The following GMDS variants were observed in gnomAD, a reference collection of about 807,000 sequenced individuals.
GMDS encodes GDP-mannose 4,6-dehydratase.
In GMDS, 20 loss-of-function variants were observed where a neutral mutation model predicts 49.9. The ratio of observed to expected loss-of-function variants is 0.40; its 90% confidence interval spans 0.28 to 0.58. GMDS has a LOEUF of 0.58. Among genes scored for constraint, GMDS ranks in the 20% least tolerant of loss-of-function variants. The probability of loss-of-function intolerance (pLI) is 0.42; values close to 1 mark genes in which losing one functional copy is unlikely to be tolerated. For synonymous variants in GMDS, 177 were observed against 178.6 expected (o/e 0.99, Z 0.07); for missense variants, 362 against 481.4 (o/e 0.75, Z 2.32).
intron 4 of GMDS, among the ~76,000 whole-genome samples, chr6:2,055,254 GAA>G (rs201815945): frequency 6.8e-6 from 1 of 147,268 alleles, no homozygotes; most frequent in Non-Finnish European, 1.5e-5. Context: ...TCCCAGAGAA[GAA>G]AAAAAAAGAG....
At chr6:1,669,312 C>T (rs571499452) in intron 9 of GMDS, among the ~76,000 whole-genome samples, 1 of 152,196 alleles carries the variant, frequency 6.6e-6, no homozygotes, top group East Asian at 1.9e-4. Flanking sequence ...GAGGAGATGG[C>T]CTCTGGGGTT....
chr6:1,825,757 C>T (rs1413486171), intron 7 of GMDS, among the ~76,000 whole-genome samples: 1 of 152,138 alleles, frequency 6.6e-6, no homozygotes, highest in Non-Finnish European at 1.5e-5. Flanking sequence ...GCCTGTAATC[C>T]CAGCACTTTG....
intron 1 of GMDS, among the ~76,000 whole-genome samples, chr6:2,169,630 A>AC (rs567959437): frequency 3.9e-5 from 6 of 151,986 alleles, no homozygotes; most frequent in African/African-American, 9.7e-5. Flanking sequence ...GCAAAAAAAA[A>AC]AAAAAACAAA....
intron 9 of GMDS, among the ~76,000 whole-genome samples, chr6:1,680,319 A>T (rs1764748065): frequency 6.6e-6 from 1 of 152,210 alleles, no homozygotes; most frequent in South Asian, 2.1e-4. Flanking sequence ...ACATGACTCT[A>T]AGTCATCAGG....
At chr6:1,999,597 A>G (rs1337453157) in intron 4 of GMDS, among the ~76,000 whole-genome samples, 1 of 151,738 alleles carries the variant, frequency 6.6e-6, no homozygotes, top group Non-Finnish European at 1.5e-5. Flanking sequence ...ATATAGTTGG[A>G]CTCAACTGGA....
intron 1 of GMDS, among the ~76,000 whole-genome samples, chr6:2,243,699 C>G (rs1228436520): frequency 6.6e-6 from 1 of 152,112 alleles, no homozygotes; most frequent in African/African-American, 2.4e-5. Flanking sequence ...AGATCCACCT[C>G]TTACTAGTTT....
chr6:2,159,624 T>TGC (rs1777291030), intron 1 of GMDS, among the ~76,000 whole-genome samples: 2 of 145,222 alleles, frequency 1.4e-5, no homozygotes, highest in Admixed American at 1.4e-4. Context: ...GCTCAAGCAA[T>TGC]GCTCCTGCCT....
At chr6:2,001,155 T>C (rs1459441507) in intron 4 of GMDS, among the ~76,000 whole-genome samples, 1 of 152,232 alleles carries the variant, frequency 6.6e-6, no homozygotes, top group East Asian at 1.9e-4. Flanking sequence ...CCAACACCTG[T>C]TATGATCTGA....
At chr6:2,080,752 G>A (rs766743656) in intron 4 of GMDS, among the ~76,000 whole-genome samples, 1 of 152,116 alleles carries the variant, frequency 6.6e-6, no homozygotes, top group Admixed American at 6.6e-5. Flanking sequence ...GTGTACACTG[G>A]CACTGGTGTT....
intron 7 of GMDS, among the ~76,000 whole-genome samples, chr6:1,868,996 T>C (rs1417927644): frequency 6.6e-6 from 1 of 152,172 alleles, no homozygotes; most frequent in African/African-American, 2.4e-5. Context: ...AAAAGAAATA[T>C]TAAAATAGGG....
intron 9 of GMDS, among the ~76,000 whole-genome samples, chr6:1,688,932 A>C (rs4959146): frequency 0.89 from 134,694 of 152,194 alleles, 59,849 homozygotes; most frequent in Middle Eastern, 0.95. Context: ...TTCCCTAAAA[A>C]TCACTTAAAA....
At chr6:2,045,262 GTCTT>G (rs1391601796) in intron 4 of GMDS, among the ~76,000 whole-genome samples, 1 of 151,838 alleles carries the variant, frequency 6.6e-6, no homozygotes, top group Non-Finnish European at 1.5e-5. Flanking sequence ...TTTTAGGCGT[GTCTT>G]TCTTCTCTCC....
intron 7 of GMDS, among the ~76,000 whole-genome samples, chr6:1,890,353 C>A (rs557362603): frequency 4.6e-5 from 7 of 152,232 alleles, no homozygotes; most frequent in African/African-American, 1.4e-4. Flanking sequence ...ACGTGCATGT[C>A]CTTTCATGTC....
At chr6:2,194,629 A>C (rs373158278) in intron 1 of GMDS, among the ~76,000 whole-genome samples, 1 of 152,238 alleles carries the variant, frequency 6.6e-6, no homozygotes, top group Admixed American at 6.5e-5. Context: ...ATAAAAGACA[A>C]TTAAGGTTAA....
At chr6:1,631,759 C>A (rs969753285) in intron 9 of GMDS, among the ~76,000 whole-genome samples, 2 of 152,176 alleles carry the variant, frequency 1.3e-5, no homozygotes, top group African/African-American at 4.8e-5. Context: ...TCCAAATATT[C>A]ATTCCCTCAG....
chr6:2,195,733 G>A (rs1779250070), intron 1 of GMDS, among the ~76,000 whole-genome samples: 1 of 151,372 alleles, frequency 6.6e-6, no homozygotes, highest in Non-Finnish European at 1.5e-5. Context: ...TATAACCCCA[G>A]CTCTTTGGGA....
chr6:1,644,273 G>A (rs1763422891), intron 9 of GMDS, among the ~76,000 whole-genome samples: 1 of 152,208 alleles, frequency 6.6e-6, no homozygotes, highest in African/African-American at 2.4e-5. Flanking sequence ...GGATGGCACT[G>A]CAGCTGTGAC....
At chr6:1,683,335 G>A (rs1764857180) in intron 9 of GMDS, among the ~76,000 whole-genome samples, 1 of 152,184 alleles carries the variant, frequency 6.6e-6, no homozygotes, top group Non-Finnish European at 1.5e-5. Context: ...GTGTTAGCCA[G>A]GATGGTCTCC....
At chr6:2,145,854 A>T (rs1281139463) in intron 1 of GMDS, among the ~76,000 whole-genome samples, 1 of 152,172 alleles carries the variant, frequency 6.6e-6, no homozygotes, top group Non-Finnish European at 1.5e-5. Flanking sequence ...AGCGACATCT[A>T]TCTCAAAAAT....
Sources: allele counts gnomAD v4.1 joint callset (sites outside exome capture counted in the v4.1 genomes callset), GRCh38; gene constraint gnomAD v4.1.1; transcripts MANE v1.5; gene names NCBI Gene and HGNC (gene_info 2026-07-23, HGNC 2026-07-21).